SMOC2: variants seen among roughly 807,000 people sequenced by gnomAD.
SMOC2 encodes the protein SPARC related modular calcium binding 2, also known as SPARC-related modular calcium-binding protein 2.
In SMOC2, 39 loss-of-function variants were observed where a neutral mutation model predicts 61.4. That is an observed-to-expected ratio of 0.64 (90% CI 0.49 to 0.83). The LOEUF is 0.83. Ranked by LOEUF, SMOC2 falls within the 40% of genes least tolerant of loss-of-function variation. SMOC2 has a pLI of 0.00. For missense variants in SMOC2, 556 were observed against 592.9 expected (o/e 0.94, Z 0.65); for synonymous variants, 247 against 239.9 (o/e 1.03, Z -0.27).
At chr6:168,531,190 C>T (rs1329345816) in intron 4 of SMOC2, among the ~76,000 whole-genome samples, 1 of 152,140 alleles carries the variant, frequency 6.6e-6, no homozygotes, top group Non-Finnish European at 1.5e-5. Flanking sequence ...CGGTTGCTTG[C>T]ATGCGGTGGA....
chr6:168,659,473 G>T (rs1787418577), intron 11 of SMOC2, among the ~76,000 whole-genome samples: 1 of 150,202 alleles, frequency 6.7e-6, no homozygotes, highest in African/African-American at 2.5e-5. Context: ...GAGGTTGTTG[G>T]CTGGTTGAGG....
At chr6:168,509,828 TGAAGTG>T (rs1402335727) in intron 1 of SMOC2, 81 bp from the exon 2 acceptor site, 2 of 1,355,538 alleles carry the variant, frequency 1.5e-6, no homozygotes, top group Non-Finnish European at 2.0e-6. Flanking sequence ...TCCCTGACCG[TGAAGTG>T]GCCTGAGGCA....
At chr6:168,634,828 T>C (rs1562395737) in intron 9 of SMOC2, among the ~76,000 whole-genome samples, 1 of 152,264 alleles carries the variant, frequency 6.6e-6, no homozygotes, top group African/African-American at 2.4e-5. Flanking sequence ...ATTTCTGATT[T>C]CCTTTGACTT....
At chr6:168,597,418 A>C (rs1387807651) in intron 7 of SMOC2, among the ~76,000 whole-genome samples, 1 of 152,196 alleles carries the variant, frequency 6.6e-6, no homozygotes, top group African/African-American at 2.4e-5. Flanking sequence ...TTAGCATTGG[A>C]AAAATTATGC....
At chr6:168,503,356 G>A (rs1028460225) in intron 1 of SMOC2, among the ~76,000 whole-genome samples, 3 of 152,214 alleles carry the variant, frequency 2.0e-5, no homozygotes, top group African/African-American at 7.2e-5. Flanking sequence ...GGGATTACAG[G>A]TGTGAGCCAC....
intron 1 of SMOC2, among the ~76,000 whole-genome samples, chr6:168,498,706 C>T (rs917646306): frequency 2.7e-4 from 41 of 151,626 alleles, no homozygotes; most frequent in Middle Eastern, 3.4e-3. Flanking sequence ...TCCTCCCAGC[C>T]CTACGAGTCA....
chr6:168,637,955 G>A (rs1293782454), intron 9 of SMOC2, among the ~76,000 whole-genome samples: 5 of 152,068 alleles, frequency 3.3e-5, no homozygotes, highest in Non-Finnish European at 7.4e-5. Context: ...ATGCTGAGCG[G>A]GAGCCAGGCG....
At chr6:168,622,114 T>C (rs968733655) in intron 9 of SMOC2, among the ~76,000 whole-genome samples, 9 of 152,032 alleles carry the variant, frequency 5.9e-5, no homozygotes, top group African/African-American at 1.4e-4. Context: ...TACAGGCGCC[T>C]GCCACCACGC....
At chr6:168,636,413 A>G (rs1353075825) in intron 9 of SMOC2, among the ~76,000 whole-genome samples, 2 of 152,236 alleles carry the variant, frequency 1.3e-5, no homozygotes, top group Admixed American at 6.5e-5. Flanking sequence ...TCCTAAATGT[A>G]TGCACTTTAT....
intron 8 of SMOC2, among the ~76,000 whole-genome samples, chr6:168,606,451 G>T (rs927841223): frequency 6.6e-6 from 1 of 152,206 alleles, no homozygotes; most frequent in African/African-American, 2.4e-5. Flanking sequence ...GCCAAGGGTG[G>T]CAGGAATGTG....
At chr6:168,609,115 T>C (rs1785787358) in intron 9 of SMOC2, among the ~76,000 whole-genome samples, 1 of 152,222 alleles carries the variant, frequency 6.6e-6, no homozygotes, top group Non-Finnish European at 1.5e-5. Context: ...TTGCTACGTG[T>C]TCATAGCGAT....
chr6:168,600,844 T>C (rs1785534434), intron 8 of SMOC2, among the ~76,000 whole-genome samples: 1 of 152,186 alleles, frequency 6.6e-6, no homozygotes, highest in South Asian at 2.1e-4. Flanking sequence ...AAAAACAACT[T>C]GTTCACTGGA....
chr6:168,656,536 GA>G (rs1281678910), intron 11 of SMOC2, among the ~76,000 whole-genome samples: 1 of 119,940 alleles, frequency 8.3e-6, no homozygotes, highest in Non-Finnish European at 1.8e-5. Context: ...AAAAAGAAAA[GA>G]AAAGAAAAAG....
At chr6:168,660,414 G>A (rs2115289591) in intron 11 of SMOC2, among the ~76,000 whole-genome samples, 1 of 152,352 alleles carries the variant, frequency 6.6e-6, no homozygotes, top group Middle Eastern at 3.4e-3. Flanking sequence ...GGAGTTCTCA[G>A]TAGCGCTGGG....
intron 7 of SMOC2, among the ~76,000 whole-genome samples, chr6:168,575,376 C>G (rs939678402): frequency 2.6e-5 from 4 of 152,182 alleles, no homozygotes; most frequent in African/African-American, 7.2e-5. Context: ...TCTTACTCTC[C>G]TAGCATATCT....
At chr6:168,585,358 T>C (rs936866327) in intron 7 of SMOC2, among the ~76,000 whole-genome samples, 3 of 152,230 alleles carry the variant, frequency 2.0e-5, no homozygotes, top group African/African-American at 7.2e-5. Context: ...GGTTTTGAGC[T>C]TCATCCTCAC....
intron 1 of SMOC2, among the ~76,000 whole-genome samples, chr6:168,469,427 T>C (rs116473646): frequency 6.6e-6 from 1 of 152,220 alleles, no homozygotes; most frequent in South Asian, 2.1e-4. Flanking sequence ...TGTAAACGGA[T>C]AGGGGTTCAC....
At chr6:168,520,793 A>G (rs1051456981) in intron 2 of SMOC2, among the ~76,000 whole-genome samples, 1 of 152,196 alleles carries the variant, frequency 6.6e-6, no homozygotes, top group Non-Finnish European at 1.5e-5. Flanking sequence ...TAGTGTGTTT[A>G]TGTTATTCGA....
At chr6:168,633,478 C>G (rs977551041) in intron 9 of SMOC2, among the ~76,000 whole-genome samples, 6 of 152,044 alleles carry the variant, frequency 3.9e-5, no homozygotes, top group African/African-American at 1.4e-4. Context: ...GAAATAGGCC[C>G]TTGGCTCTCA....
Sources: allele counts gnomAD v4.1 joint callset (sites outside exome capture counted in the v4.1 genomes callset), GRCh38; gene constraint gnomAD v4.1.1; transcripts MANE v1.5; gene names NCBI Gene and HGNC (gene_info 2026-07-23, HGNC 2026-07-21).